MAF: variants seen among roughly 807,000 people sequenced by gnomAD.
MAF encodes the protein MAF bZIP transcription factor.
A neutral mutation model predicts 22.0 loss-of-function variants in MAF; 10 were observed. The ratio of observed to expected loss-of-function variants is 0.45; its 90% confidence interval spans 0.28 to 0.77. The LOEUF (loss-of-function observed/expected upper bound fraction) is 0.77. MAF is among the 30% of genes least tolerant of loss of function. MAF has a pLI of 0.12. For synonymous variants in MAF, 337 were observed against 255.8 expected, an observed-to-expected ratio of 1.32 and a Z score of -3.03; for missense variants, 544 against 548.4, an observed-to-expected ratio of 0.99 and a Z score of 0.08.
chr16:79,377,818 G>A, the MAF span, among the ~76,000 whole-genome samples: 1 of 152,118 alleles, frequency 6.6e-6, no homozygotes, highest in Non-Finnish European at 1.5e-5. Context: ...TGTCAGGTTT[G>A]TCAAAGATCA....
the MAF span, among the ~76,000 whole-genome samples, chr16:79,302,455 A>G: frequency 1.3e-5 from 2 of 152,240 alleles, no homozygotes; most frequent in African/African-American, 4.8e-5. Flanking sequence ...GAATCAGATC[A>G]ACCCACATGG....
At chr16:79,465,455 T>C in the MAF span, among the ~76,000 whole-genome samples, 1 of 151,898 alleles carries the variant, frequency 6.6e-6, no homozygotes, top group South Asian at 2.1e-4. Context: ...TAATTGGGTG[T>C]GGTGATGTGT....
chr16:79,322,086 G>A, the MAF span, among the ~76,000 whole-genome samples: 1 of 152,028 alleles, frequency 6.6e-6, no homozygotes, highest in Non-Finnish European at 1.5e-5. Flanking sequence ...ACGAAAATTA[G>A]CCGGGTGTGG....
chr16:79,484,934 G>A, the MAF span, among the ~76,000 whole-genome samples: 1 of 152,198 alleles, frequency 6.6e-6, no homozygotes, highest in East Asian at 1.9e-4. Flanking sequence ...GGCAGATCTG[G>A]CTTTGCACCT....
At chr16:79,409,022 T>C in the MAF span, among the ~76,000 whole-genome samples, 3 of 87,596 alleles carry the variant, frequency 3.4e-5, no homozygotes, top group African/African-American at 4.5e-5. Flanking sequence ...CCACCTACCA[T>C]AAGGGGTGGG....
the MAF span, among the ~76,000 whole-genome samples, chr16:79,364,898 G>C: frequency 3.1e-4 from 47 of 152,272 alleles, 1 homozygote; most frequent in African/African-American, 1.1e-3. Context: ...AAATTTTACT[G>C]AGTTTATTTG....
the MAF span, among the ~76,000 whole-genome samples, chr16:79,279,441 C>G: frequency 1.3e-5 from 2 of 152,202 alleles, no homozygotes; most frequent in African/African-American, 4.8e-5. Flanking sequence ...TCCATGAACG[C>G]ACACTCCATG....
At chr16:79,593,108 AAG>A (rs976736613), downstream of MAF, among the ~76,000 whole-genome samples, 88 of 152,082 alleles carry the variant, frequency 5.8e-4, no homozygotes, top group Middle Eastern at 0.01. Flanking sequence ...AAAAAACAAA[AAG>A]AGAGAGAGAG....
the MAF span, among the ~76,000 whole-genome samples, chr16:79,564,932 T>C: frequency 6.6e-6 from 1 of 152,184 alleles, no homozygotes; most frequent in Non-Finnish European, 1.5e-5. Flanking sequence ...CCTCTGGTTT[T>C]GGGTGGGCTG....
the MAF span, among the ~76,000 whole-genome samples, chr16:79,209,469 G>A: frequency 6.6e-5 from 10 of 152,200 alleles, no homozygotes; most frequent in African/African-American, 2.2e-4. Flanking sequence ...AGGCCAGTCT[G>A]TCATGACGTT....
the MAF span, among the ~76,000 whole-genome samples, chr16:79,481,337 G>A: frequency 1.3e-5 from 2 of 151,608 alleles, no homozygotes; most frequent in African/African-American, 2.4e-5. Context: ...TATTTATAGA[G>A]TTGTGCGACC....
chr16:79,370,245 T>C, the MAF span, among the ~76,000 whole-genome samples: 1 of 152,184 alleles, frequency 6.6e-6, no homozygotes, highest in Non-Finnish European at 1.5e-5. Context: ...GGTAATTGGT[T>C]TTTTGAGTTA....
At chr16:79,592,528 A>G (rs1220338421), downstream of MAF, among the ~76,000 whole-genome samples, 2 of 152,258 alleles carry the variant, frequency 1.3e-5, no homozygotes, top group African/African-American at 4.8e-5. Flanking sequence ...CAAATGCTTC[A>G]AAACAAACAA....
At chr16:79,548,749 C>T in the MAF span, among the ~76,000 whole-genome samples, 1 of 152,170 alleles carries the variant, frequency 6.6e-6, no homozygotes. Flanking sequence ...ACCTACCCAC[C>T]ATACTCATGG....
At chr16:79,242,515 A>G in the MAF span, among the ~76,000 whole-genome samples, 1 of 152,048 alleles carries the variant, frequency 6.6e-6, no homozygotes, top group African/African-American at 2.4e-5. Flanking sequence ...TATCCTAAAT[A>G]TATATGCACC....
the MAF span, among the ~76,000 whole-genome samples, chr16:79,565,411 T>A: frequency 6.6e-6 from 1 of 152,078 alleles, no homozygotes; most frequent in Non-Finnish European, 1.5e-5. Context: ...ATATCACAAC[T>A]CTCCCTTACC....
chr16:79,488,219 C>G, the MAF span, among the ~76,000 whole-genome samples: 1 of 152,166 alleles, frequency 6.6e-6, no homozygotes, highest in African/African-American at 2.4e-5. Context: ...CAGGGTACCC[C>G]TTGTGAACCT....
the MAF span, among the ~76,000 whole-genome samples, chr16:79,250,621 C>T: frequency 1.3e-5 from 2 of 152,140 alleles, no homozygotes; most frequent in Admixed American, 6.6e-5. Flanking sequence ...GCAGTGAAAG[C>T]GCATAATTCA....
At chr16:79,252,716 C>A in the MAF span, among the ~76,000 whole-genome samples, 2 of 152,162 alleles carry the variant, frequency 1.3e-5, no homozygotes, top group Non-Finnish European at 2.9e-5. Context: ...CCTTGAACTC[C>A]TGACCTCAGG....
Sources: allele counts gnomAD v4.1 joint callset (sites outside exome capture counted in the v4.1 genomes callset), GRCh38; gene constraint gnomAD v4.1.1; transcripts MANE v1.5; gene names NCBI Gene and HGNC (gene_info 2026-07-23, HGNC 2026-07-21).